The following EEFSEC variants were observed in gnomAD, a reference collection of about 807,000 sequenced individuals.
EEFSEC encodes the protein eukaryotic elongation factor, selenocysteine-tRNA specific, also known as selenocysteine-specific elongation factor.
In EEFSEC, 43 loss-of-function variants were observed where a neutral mutation model predicts 42.1. The ratio of observed to expected loss-of-function variants is 1.02; its 90% CI spans 0.80 to 1.32. The LOEUF (loss-of-function observed/expected upper bound fraction) is 1.32. Among genes scored for constraint, EEFSEC ranks in the 40% most tolerant of loss-of-function variants. EEFSEC has a pLI of 0.00. For missense variants in EEFSEC, 745 were observed against 803.6 expected, an observed-to-expected ratio of 0.93 and a Z score of 0.88; for synonymous variants, 354 against 339.1, an observed-to-expected ratio of 1.04 and a Z score of -0.48.
At chr3:128,399,592 C>T (rs531616263) in intron 6 of EEFSEC, among the ~76,000 whole-genome samples, 35 of 147,722 alleles carry the variant, frequency 2.4e-4, no homozygotes, top group South Asian at 2.1e-3. Context: ...AGGAGCCGGC[C>T]CCCCCCAGCC....
At chr3:128,282,344 A>C (rs961318619) in intron 4 of EEFSEC, among the ~76,000 whole-genome samples, 2 of 152,160 alleles carry the variant, frequency 1.3e-5, no homozygotes, top group African/African-American at 4.8e-5. Context: ...TTTGATGTGC[A>C]CCATGGATGT....
chr3:128,170,693 T>C (rs1450992720), intron 1 of EEFSEC, among the ~76,000 whole-genome samples: 1 of 152,154 alleles, frequency 6.6e-6, no homozygotes, highest in East Asian at 1.9e-4. Flanking sequence ...CTGCTTTTTT[T>C]CCCTCTAGAA....
At chr3:128,200,251 G>A (rs1403811458) in intron 1 of EEFSEC, among the ~76,000 whole-genome samples, 1 of 152,114 alleles carries the variant, frequency 6.6e-6, no homozygotes, top group Non-Finnish European at 1.5e-5. Context: ...CAGTTCTGTG[G>A]CGGTAACACA....
At chr3:128,331,695 C>T (rs1167714766) in intron 4 of EEFSEC, among the ~76,000 whole-genome samples, 1 of 152,070 alleles carries the variant, frequency 6.6e-6, no homozygotes, top group Non-Finnish European at 1.5e-5. Context: ...CCAGAGACCC[C>T]TTCTAGGAGA....
chr3:128,174,776 A>G (rs1460556543), intron 1 of EEFSEC, among the ~76,000 whole-genome samples: 1 of 152,170 alleles, frequency 6.6e-6, no homozygotes, highest in Non-Finnish European at 1.5e-5. Flanking sequence ...ACACTTGGTA[A>G]ATGGAAGCAG....
At chr3:128,222,097 G>A (rs191674693) in intron 1 of EEFSEC, among the ~76,000 whole-genome samples, 48 of 136,378 alleles carry the variant, frequency 3.5e-4, no homozygotes, top group Admixed American at 8.2e-4. Context: ...GCAGTGGCAC[G>A]ATCTCAGCTC....
chr3:128,246,799 C>G (rs749402264), intron 1 of EEFSEC, 37 bp from the exon 2 acceptor site: 2 of 1,608,630 alleles, frequency 1.2e-6, no homozygotes, highest in Non-Finnish European at 1.7e-6. Context: ...GCTCACCACC[C>G]CTTTTCCCTT....
Position 128,270,784 on chromosome 3 carries a change from C to T in EEFSEC, c.786+6003C>T, listed in dbSNP as rs189828253. On this transcript the variant is annotated intron_variant, in intron 4 of 6. Coordinates refer to ENST00000254730, the MANE Select transcript of EEFSEC (RefSeq NM_021937.5). ...ATTGCTTCTCTCCTTGGAGCCCTTC[C>T]GGGCTTTCCCCTACCTGCAGTATGC... Among the ~76,000 whole-genome samples, 142 of 152,302 alleles carry T rather than the reference C, an allele frequency of 9.3e-4. 1 individual carries two copies. The highest frequency in any genetic ancestry group is 3.2e-3 in the African/African-American group (132 of 41,574).
At chr3:128,204,925 G>T (rs1559867505) in intron 1 of EEFSEC, among the ~76,000 whole-genome samples, 1 of 152,176 alleles carries the variant, frequency 6.6e-6, no homozygotes, top group African/African-American at 2.4e-5. Flanking sequence ...GAGCCCAATT[G>T]TTACACTTCC....
intron 6 of EEFSEC, chr3:128,367,906 T>A: frequency 1.1e-6 from 1 of 943,954 alleles, no homozygotes; most frequent in Non-Finnish European, 1.3e-6. Context: ...GCTGAAAAGC[T>A]GCCTCCTGCG....
intron 6 of EEFSEC, among the ~76,000 whole-genome samples, chr3:128,364,880 C>G (rs934207799): frequency 3.3e-5 from 5 of 152,232 alleles, no homozygotes; most frequent in Non-Finnish European, 7.3e-5. Context: ...AGGCCCTTTG[C>G]TCACATCTAC....
rs554048926 is a variant in EEFSEC, at chr3:128,173,479, G to T, written c.316+19656G>T. 5.1e-4 allele frequency among the ~76,000 whole-genome samples: 78 copies of T among 152,286 alleles called. No individual in the cohort carries two copies. The South Asian group carries it at 0.016, about 31-fold the overall frequency. On this transcript the variant is annotated intron_variant, in intron 1 of 6. Coordinates refer to ENST00000254730, the MANE Select transcript of EEFSEC (RefSeq NM_021937.5). ...TCCTGCAATGAACGACGTGAATGGC[G>T]CACCGGAGAGATATGATGGTGGAGA...
intron 2 of EEFSEC, among the ~76,000 whole-genome samples, chr3:128,260,106 T>C (rs1201079998): frequency 6.6e-6 from 1 of 151,952 alleles, no homozygotes; most frequent in Admixed American, 6.6e-5. Context: ...TTTTACTGCA[T>C]ATAAAATTCT....
At chr3:128,348,306 G>A (rs1234140150) in intron 5 of EEFSEC, among the ~76,000 whole-genome samples, 1 of 151,970 alleles carries the variant, frequency 6.6e-6, no homozygotes, top group Non-Finnish European at 1.5e-5. Context: ...GTGTGTGTGT[G>A]TGTTCATTCT....
intron 4 of EEFSEC, among the ~76,000 whole-genome samples, chr3:128,269,903 T>C (rs527828538): frequency 6.6e-6 from 1 of 152,318 alleles, no homozygotes; most frequent in Non-Finnish European, 1.5e-5. Context: ...CTGGTGATGA[T>C]TGGCTATCAG....
At chr3:128,217,685 C>T (rs1375752113) in intron 1 of EEFSEC, among the ~76,000 whole-genome samples, 2 of 152,122 alleles carry the variant, frequency 1.3e-5, no homozygotes, top group Non-Finnish European at 2.9e-5. Flanking sequence ...AGCACCAGCC[C>T]CCCCTGGTCC....
intron 2 of EEFSEC, among the ~76,000 whole-genome samples, chr3:128,257,369 G>A (rs2066251683): frequency 1.3e-5 from 2 of 152,146 alleles, no homozygotes; most frequent in Admixed American, 6.5e-5. Context: ...GGGCTCCACG[G>A]CTTTGTTCCA....
chr3:128,176,554 A>G (rs1020905011), intron 1 of EEFSEC, among the ~76,000 whole-genome samples: 3 of 152,192 alleles, frequency 2.0e-5, no homozygotes, highest in African/African-American at 7.2e-5. Flanking sequence ...GCTACATGCA[A>G]ATGTACCCAA....
chr3:128,236,814 C>T (rs2066016831), intron 1 of EEFSEC, among the ~76,000 whole-genome samples: 1 of 152,250 alleles, frequency 6.6e-6, no homozygotes, highest in Non-Finnish European at 1.5e-5. Flanking sequence ...AAATTGCAGG[C>T]CACCTGCTTC....
Sources: gnomAD v4.1 joint callset for allele counts (sites outside exome capture counted in the v4.1 genomes callset) on GRCh38, gnomAD v4.1.1 for gene constraint, MANE v1.5 for transcripts, NCBI Gene and HGNC (gene_info 2026-07-23, HGNC 2026-07-21) for gene names.